The following GALNT18 variants were observed in gnomAD, a reference collection of about 807,000 sequenced individuals.
GALNT18 encodes polypeptide N-acetylgalactosaminyltransferase 18, also known as GalNAc-transferase 18.
A neutral mutation model predicts 69.5 loss-of-function variants in GALNT18; 44 were observed. The ratio of observed to expected loss-of-function variants is 0.63; its 90% CI spans 0.50 to 0.81. The LOEUF (loss-of-function observed/expected upper bound fraction) is 0.81, where lower values mean the gene tolerates loss of function less well. Among genes scored for constraint, GALNT18 ranks in the 40% least tolerant of loss-of-function variants. The pLI, the probability that GALNT18 is intolerant of heterozygous loss-of-function variation, is 0.00. For missense variants in GALNT18, 715 were observed against 810.0 expected (o/e 0.88, Z 1.42); for synonymous variants, 364 against 318.2 (o/e 1.14, Z -1.53).
intron 1 of GALNT18, among the ~76,000 whole-genome samples, chr11:11,449,737 C>A (rs954802290): frequency 2.0e-5 from 3 of 152,238 alleles, no homozygotes; most frequent in Non-Finnish European, 4.4e-5. Flanking sequence ...TCCACCACGT[C>A]CTGGCTACAT....
chr11:11,440,785 A>G (rs1354296385), intron 2 of GALNT18, among the ~76,000 whole-genome samples: 1 of 152,214 alleles, frequency 6.6e-6, no homozygotes, highest in African/African-American at 2.4e-5. Context: ...AATAAAAGTG[A>G]CTAAAAGTTA....
chr11:11,328,158 GA>G lies in GALNT18; in HGVS notation c.1417-978del, dbSNP rs1215205524. 7.2e-5 allele frequency among the ~76,000 whole-genome samples: 11 copies of G among 152,290 alleles called. No individual in the cohort carries two copies. The East Asian group carries it at 2.1e-3, about 29-fold the overall frequency. ...GATATGATGATGCACGAGGCAGACA[GA>G]ATGAGAGACAAAAGAGACCATCTTG... On this transcript the variant is annotated intron_variant, in intron 8 of 10. Coordinates refer to ENST00000227756, the MANE Select transcript of GALNT18 (RefSeq NM_198516.3).
chr11:11,565,348 C>T (rs1327903264), intron 1 of GALNT18, among the ~76,000 whole-genome samples: 2 of 152,210 alleles, frequency 1.3e-5, no homozygotes, highest in Non-Finnish European at 2.9e-5. Flanking sequence ...TGGTGAAGGG[C>T]TGGAACAGGA....
Position 11,463,438 on chromosome 11 carries a change from T to A in GALNT18, c.236-14502A>T, listed in dbSNP as rs1856089960. On this transcript the variant is annotated intron_variant, in intron 1 of 10. Coordinates refer to ENST00000227756, the MANE Select transcript of GALNT18 (RefSeq NM_198516.3). The surrounding 1 kb of genome is among the most constrained non-coding windows in gnomAD (Gnocchi z 4.2). Reference sequence around the variant, plus strand: ...TAGCCCACATCTGATTCTTTAAATGTAGTGTACAGTGCAGAAGGATAAATA... The same window carrying A: ...TAGCCCACATCTGATTCTTTAAATGAAGTGTACAGTGCAGAAGGATAAATA... Among the ~76,000 whole-genome samples, 1 of 152,202 alleles carries A rather than the reference T, an allele frequency of 6.6e-6. No individual in the cohort carries two copies. Among genetic ancestry groups the A allele is most frequent in the Non-Finnish European group, 1.5e-5 (1 of 68,034 alleles).
rs1858525049 is a variant in GALNT18 at position 11,562,085 on chromosome 11, G to T, written c.235+59274C>A. On this transcript the variant is annotated intron_variant, in intron 1 of 10. Coordinates refer to ENST00000227756, the MANE Select transcript of GALNT18 (RefSeq NM_198516.3). The surrounding 1 kb of genome is among the most constrained non-coding windows in gnomAD (Gnocchi z 4.1). ...TACTAAAGGTGTGGGATTGCTCCCT[G>T]CATTAGTTTGCTAGTGCTGTCCTAA... Among the ~76,000 whole-genome samples, 1 of 152,234 alleles carries T rather than the reference G, an allele frequency of 6.6e-6. No individual in the cohort carries two copies. Among genetic ancestry groups the T allele is most frequent in the South Asian group, 2.1e-4 (1 of 4,834 alleles).
At chr11:11,365,640 T>C (rs1040929191) in intron 6 of GALNT18, among the ~76,000 whole-genome samples, 7 of 152,208 alleles carry the variant, frequency 4.6e-5, no homozygotes, top group African/African-American at 1.7e-4. Context: ...CTCCACAGCC[T>C]CACAAGCATC....
chr11:11,615,546 A>G (rs1860023168), intron 1 of GALNT18, among the ~76,000 whole-genome samples: 1 of 152,064 alleles, frequency 6.6e-6, no homozygotes, highest in Non-Finnish European at 1.5e-5. Context: ...CAGAAATTCA[A>G]TTTCCTTTTA....
chr11:11,378,092 T>C (rs1853817374), intron 4 of GALNT18, among the ~76,000 whole-genome samples: 1 of 152,152 alleles, frequency 6.6e-6, no homozygotes, highest in Non-Finnish European at 1.5e-5. Context: ...TGGCCATAAA[T>C]CCAAAGAAAA....
rs908600496 is a variant in GALNT18, at chr11:11,421,438, G to A, written c.595+11183C>T. Reference sequence around the variant, plus strand: ...AAGCCAGGTGGATCGAACCGTGGAAGCAGAGCCCCAGTTTGGTGTACAGGG... The same window carrying A: ...AAGCCAGGTGGATCGAACCGTGGAAACAGAGCCCCAGTTTGGTGTACAGGG... On this transcript the variant is annotated intron_variant, in intron 3 of 10. Transcript: ENST00000227756. The surrounding 1 kb of genome is among the most constrained non-coding windows in gnomAD (Gnocchi z 5.6). 1.3e-5 allele frequency among the ~76,000 whole-genome samples: 2 copies of A among 152,300 alleles called. No homozygotes were observed. The highest frequency in any genetic ancestry group is 6.5e-5 in the Admixed American group (1 of 15,306).
chr11:11,585,140 G>C (rs564881083), intron 1 of GALNT18, among the ~76,000 whole-genome samples: 41 of 152,166 alleles, frequency 2.7e-4, no homozygotes, highest in Non-Finnish European at 4.7e-4. Context: ...ATCATGCTTG[G>C]ATAAAAGATA....
chr11:11,522,417 G>A (rs188563888), intron 1 of GALNT18, among the ~76,000 whole-genome samples: 1 of 152,260 alleles, frequency 6.6e-6, no homozygotes, highest in African/African-American at 2.4e-5. Context: ...AGGGAAGGAG[G>A]GGATGAGAGT....
chr11:11,584,765 C>T lies in GALNT18; in HGVS notation c.235+36594G>A, dbSNP rs909671261. ...TACAATCGAGGTGGACAATGAACTA[C>T]GTACTTTTTTCATGAAACACTATTT... On this transcript the variant is annotated intron_variant, in intron 1 of 10. Transcript: ENST00000227756. This position sits in a 1 kb window ranked among gnomAD's most constrained non-coding sequence, Gnocchi z 4.1. 3.3e-5 allele frequency among the ~76,000 whole-genome samples: 5 copies of T among 152,042 alleles called. No individual in the cohort carries two copies. Among genetic ancestry groups the T allele is most frequent in the Non-Finnish European group, 5.9e-5 (4 of 68,036 alleles).
chr11:11,336,349 G>A (rs919737927), intron 7 of GALNT18, among the ~76,000 whole-genome samples: 12 of 152,118 alleles, frequency 7.9e-5, no homozygotes, highest in African/African-American at 2.9e-4. Flanking sequence ...TCACAGTTCC[G>A]AGGAGGCCTC....
chr11:11,585,359 T>G (rs1023115278), intron 1 of GALNT18, among the ~76,000 whole-genome samples: 1 of 151,676 alleles, frequency 6.6e-6, no homozygotes, highest in Non-Finnish European at 1.5e-5. Flanking sequence ...AAAATCTTTT[T>G]TTTTTTTTTT....
chr11:11,305,484 T>C (rs994438797), intron 9 of GALNT18, among the ~76,000 whole-genome samples: 1 of 152,104 alleles, frequency 6.6e-6, no homozygotes, highest in Non-Finnish European at 1.5e-5. Flanking sequence ...TATATACCAA[T>C]GAGACTTGAT....
intron 9 of GALNT18, among the ~76,000 whole-genome samples, chr11:11,313,070 G>T (rs574152408): frequency 5.9e-5 from 9 of 152,216 alleles, no homozygotes; most frequent in Non-Finnish European, 1.3e-4. Flanking sequence ...AGGAAAGACT[G>T]CCCTAAAGAA....
intron 1 of GALNT18, among the ~76,000 whole-genome samples, chr11:11,491,328 T>C (rs530816687): frequency 1.3e-4 from 20 of 152,314 alleles, no homozygotes; most frequent in African/African-American, 4.1e-4. Context: ...AGCAGTGACA[T>C]TGACAGGCAT....
At chr11:11,271,605 G>GGGCTGGGTCTTGCTCCCCATGGCCATC (rs146486599) in intron 10 of GALNT18, among the ~76,000 whole-genome samples, 1 of 151,210 alleles carries the variant, frequency 6.6e-6, no homozygotes, top group Admixed American at 6.6e-5. Context: ...CCTACCCCAG[G>GGGCTGGGTCTTGCTCCCCATGGCCATC]GGCTGGGTCC....
chr11:11,385,549 C>T (rs182890592), intron 3 of GALNT18, among the ~76,000 whole-genome samples: 1 of 152,098 alleles, frequency 6.6e-6, no homozygotes, highest in Admixed American at 6.5e-5. Flanking sequence ...CCCGCCTCGG[C>T]CTCCCAAAGT....
Sources: gnomAD v4.1 joint callset for allele counts (sites outside exome capture counted in the v4.1 genomes callset) on GRCh38, gnomAD v4.1.1 for gene constraint, Gnocchi (gnomAD v3.1) non-coding constraint, MANE v1.5 for transcripts, NCBI Gene and HGNC (gene_info 2026-07-23, HGNC 2026-07-21) for gene names.